The following REC114 variants were observed in gnomAD, a reference collection of about 807,000 sequenced individuals.
The protein encoded by REC114 is REC114 meiotic recombination protein.
A neutral mutation model predicts 31.3 loss-of-function variants in REC114; 27 were observed. That is an observed-to-expected ratio of 0.86 (90% CI 0.64 to 1.19). The LOEUF (loss-of-function observed/expected upper bound fraction) is 1.19, where lower values mean the gene tolerates loss of function less well. Ranked by LOEUF, REC114 falls within the 50% of genes most tolerant of loss-of-function variation. The probability of loss-of-function intolerance (pLI) is 0.00; values close to 1 mark genes in which losing one functional copy is unlikely to be tolerated. For synonymous variants in REC114, 134 were observed against 127.7 expected (o/e 1.05, Z -0.33); for missense variants, 344 against 326.9 (o/e 1.05, Z -0.40).
At chr15:73,545,290 C>T (rs954858920) in intron 3 of REC114, among the ~76,000 whole-genome samples, 30 of 152,240 alleles carry the variant, frequency 2.0e-4, no homozygotes, top group African/African-American at 7.2e-4. Flanking sequence ...GTATATTTGG[C>T]GAAGTTCGTG....
At chr15:73,463,392 G>C (rs1245752124) in intron 1 of REC114, among the ~76,000 whole-genome samples, 1 of 152,046 alleles carries the variant, frequency 6.6e-6, no homozygotes, top group African/African-American at 2.4e-5. Flanking sequence ...GGATTTTCTT[G>C]TATTTTCTTT....
intron 2 of REC114, among the ~76,000 whole-genome samples, chr15:73,498,039 ATTAAC>A (rs1219435647): frequency 1.3e-5 from 2 of 152,222 alleles, no homozygotes; most frequent in Admixed American, 6.5e-5. Flanking sequence ...TGAAAACAAC[ATTAAC>A]TTAATTTTTC....
At chr15:73,544,524 C>T (rs1401580743) in intron 3 of REC114, among the ~76,000 whole-genome samples, 1 of 152,120 alleles carries the variant, frequency 6.6e-6, no homozygotes, top group Non-Finnish European at 1.5e-5. Context: ...ATAAGGTAGG[C>T]TTCCCTTTTT....
chr15:73,527,292 A>G (rs1894020997), intron 2 of REC114, among the ~76,000 whole-genome samples: 1 of 152,198 alleles, frequency 6.6e-6, no homozygotes, highest in Admixed American at 6.5e-5. Flanking sequence ...CGTTCTGCAT[A>G]TGTACAGATA....
rs370513166 is a variant in REC114, at chr15:73,531,587, A to G, written c.250-8898A>G. Among the ~76,000 whole-genome samples, 13 of 152,336 alleles carry G rather than the reference A, an allele frequency of 8.5e-5. No homozygotes were observed. The East Asian group carries it at 1.2e-3, about 14-fold the overall frequency. On this transcript the variant is annotated intron_variant, in intron 2 of 5. Transcript: ENST00000331090. Reference sequence around the variant, plus strand: ...AACTGGGCAAATTAAGGGATGGGTCAAAGTGTGTTAGGAGGAAATGGGGGT... The same window carrying G: ...AACTGGGCAAATTAAGGGATGGGTCGAAGTGTGTTAGGAGGAAATGGGGGT...
chr15:73,476,845 G>T (rs1893221833), intron 2 of REC114, among the ~76,000 whole-genome samples: 1 of 152,270 alleles, frequency 6.6e-6, no homozygotes, highest in South Asian at 2.1e-4. Context: ...CTGAATATTT[G>T]TATACGAGCC....
At chr15:73,513,730 G>C (rs903269119) in intron 2 of REC114, among the ~76,000 whole-genome samples, 1 of 151,894 alleles carries the variant, frequency 6.6e-6, no homozygotes, top group Non-Finnish European at 1.5e-5. Flanking sequence ...TGCCCCTGCT[G>C]GGGGGTGCCT....
intron 2 of REC114, among the ~76,000 whole-genome samples, chr15:73,482,011 C>T (rs1017399633): frequency 6.6e-6 from 1 of 152,132 alleles, no homozygotes; most frequent in Non-Finnish European, 1.5e-5. Context: ...ACATTCCTAT[C>T]ATTGTGCCAC....
intron 2 of REC114, among the ~76,000 whole-genome samples, chr15:73,480,401 A>G (rs564649549): frequency 2.0e-5 from 3 of 151,878 alleles, no homozygotes; most frequent in Non-Finnish European, 4.4e-5. Context: ...TACTGAATCA[A>G]CCTTTATTGT....
chr15:73,542,330 C>CA (rs749245201), intron 3 of REC114, among the ~76,000 whole-genome samples: 211 of 49,876 alleles, frequency 4.2e-3, no homozygotes, highest in African/African-American at 0.011. Flanking sequence ...GACTCTGTCT[C>CA]AAAAAAAAAA....
chr15:73,471,068 T>A (rs147131316), intron 1 of REC114, among the ~76,000 whole-genome samples: 2 of 152,282 alleles, frequency 1.3e-5, no homozygotes, highest in East Asian at 3.9e-4. Context: ...ATTGCAGGGC[T>A]GTAAGCTGGA....
intron 2 of REC114, among the ~76,000 whole-genome samples, chr15:73,524,135 A>G (rs1219441955): frequency 6.6e-6 from 1 of 152,230 alleles, no homozygotes; most frequent in African/African-American, 2.4e-5. Context: ...TTGAGGCACT[A>G]AGAAAGAGGA....
chr15:73,518,115 TTAGA>T (rs1254859991), intron 2 of REC114, among the ~76,000 whole-genome samples: 7 of 152,342 alleles, frequency 4.6e-5, no homozygotes, highest in Non-Finnish European at 8.8e-5. Flanking sequence ...GGCATAGCAA[TTAGA>T]TAGGGAAATT....
chr15:73,543,144 G>A (rs1223438630), intron 3 of REC114, among the ~76,000 whole-genome samples: 3 of 152,100 alleles, frequency 2.0e-5, no homozygotes, highest in Non-Finnish European at 4.4e-5. Context: ...TAAAACTGAT[G>A]AGAATGGTAA....
In REC114 at chr15:73,443,171, G is replaced by A. The variant is rs1892718742; in HGVS notation, c.-15G>A. ...TGGCAGGTCCCCGCCGGCAGTGCGT[G>A]TGGTGAGGCAGGACATGGCGGAGGC... On this transcript the variant is annotated 5_prime_UTR_variant, in exon 1 of 6. It adds an upstream start codon to the 5' untranslated region. Coordinates refer to ENST00000331090, the MANE Select transcript of REC114 (RefSeq NM_001042367.2). The A allele has an allele frequency of 3.9e-6, 6 of 1,550,284 alleles. No individual in the cohort carries two copies. The South Asian group carries it at 7.3e-5, about 19-fold the overall frequency.
chr15:73,537,781 T>C (rs1316964730), intron 2 of REC114, among the ~76,000 whole-genome samples: 1 of 152,202 alleles, frequency 6.6e-6, no homozygotes, highest in East Asian at 1.9e-4. Flanking sequence ...CAGAGCAATG[T>C]AAAAAGGCAT....
At chr15:73,547,920 A>G (rs1474105075) in intron 3 of REC114, among the ~76,000 whole-genome samples, 1 of 152,204 alleles carries the variant, frequency 6.6e-6, no homozygotes, top group Non-Finnish European at 1.5e-5. Flanking sequence ...GCAAAATAGG[A>G]TCTAATTAAA....
intron 2 of REC114, among the ~76,000 whole-genome samples, chr15:73,491,081 G>T (rs1261073403): frequency 1.7e-5 from 2 of 115,454 alleles, no homozygotes; most frequent in African/African-American, 3.0e-5. Context: ...ACCACAATTT[G>T]CTCATCTATT....
intron 1 of REC114, among the ~76,000 whole-genome samples, chr15:73,461,487 A>G (rs1002655095): frequency 1.9e-4 from 29 of 152,044 alleles, no homozygotes; most frequent in African/African-American, 6.5e-4. Flanking sequence ...GAATAATACT[A>G]TTTTCACCTT....
Sources: gnomAD v4.1 joint callset for allele counts (sites outside exome capture counted in the v4.1 genomes callset) on GRCh38, gnomAD v4.1.1 for gene constraint, MANE v1.5 for transcripts, NCBI Gene and HGNC (gene_info 2026-07-23, HGNC 2026-07-21) for gene names.